RBMS3: variants seen among roughly 807,000 people sequenced by gnomAD.
RBMS3 encodes RNA binding motif single stranded interacting protein 3, also known as RNA-binding motif, single-stranded-interacting protein 3.
RBMS3 carries 27 observed loss-of-function variants against 66.8 expected under a neutral mutation model. The observed-to-expected ratio is 0.40, with a 90% confidence interval of 0.30 to 0.56. RBMS3 has a LOEUF of 0.56. Among genes scored for constraint, RBMS3 ranks in the 20% least tolerant of loss-of-function variants. The pLI is 0.40. For synonymous variants in RBMS3, 188 were observed against 183.0 expected, an observed-to-expected ratio of 1.03 and a Z score of -0.22; for missense variants, 513 against 549.5, an observed-to-expected ratio of 0.93 and a Z score of 0.66.
At position 29,346,174 on chromosome 3, in the gene RBMS3, A is replaced by G. The variant is rs558803862; in HGVS notation, c.75+64418A>G. On this transcript the variant is annotated intron_variant, in intron 1 of 14. Coordinates refer to ENST00000383767, the MANE Select transcript of RBMS3 (RefSeq NM_001003793.3). ...CAGTTCTCAATCACAATAACTATTT[A>G]CTTGCATATTGCTTCTCCAGAGAGA... is the stretch of plus-strand genomic sequence containing the variant. Among the ~76,000 whole-genome samples, 9 of 152,270 alleles carry G rather than the reference A, an allele frequency of 5.9e-5. No individual in the cohort carries two copies. The South Asian group carries it at 1.7e-3, about 28-fold the overall frequency.
At chr3:29,841,548 C>A (rs1431282370) in intron 6 of RBMS3, among the ~76,000 whole-genome samples, 1 of 151,990 alleles carries the variant, frequency 6.6e-6, no homozygotes, top group African/African-American at 2.4e-5. Context: ...AGTTTAGATT[C>A]ACCTTCACAG....
At chr3:29,947,792 G>A (rs755301322) in intron 12 of RBMS3, among the ~76,000 whole-genome samples, 3 of 150,946 alleles carry the variant, frequency 2.0e-5, no homozygotes, top group South Asian at 4.2e-4. Context: ...TATGAAAACC[G>A]AAGATAATTT....
At chr3:29,827,999 C>G (rs2058253421) in intron 6 of RBMS3, among the ~76,000 whole-genome samples, 3 of 151,908 alleles carry the variant, frequency 2.0e-5, no homozygotes, top group African/African-American at 4.8e-5. Flanking sequence ...AAGAGTAGCT[C>G]AGTTCATATA....
chr3:29,779,285 ATAT>A (rs1171002502), intron 6 of RBMS3, among the ~76,000 whole-genome samples: 1 of 150,392 alleles, frequency 6.6e-6, no homozygotes, highest in Non-Finnish European at 1.5e-5. Flanking sequence ...GTGTGTGTGT[ATAT>A]ATATGTAAAC....
intron 3 of RBMS3, among the ~76,000 whole-genome samples, chr3:29,572,281 C>A (rs182324669): frequency 6.6e-6 from 1 of 152,148 alleles, no homozygotes; most frequent in African/African-American, 2.4e-5. Flanking sequence ...CCTTTTCTGA[C>A]TTCTCTAGCT....
intron 7 of RBMS3, among the ~76,000 whole-genome samples, chr3:29,875,096 G>T (rs1042255765): frequency 2.6e-5 from 4 of 152,082 alleles, no homozygotes; most frequent in African/African-American, 9.7e-5. Flanking sequence ...ACCATGATTG[G>T]GTCTCCTGAC....
chr3:29,488,324 G>A, intron 2 of RBMS3, 117 bp from the exon 3 acceptor site: 1 of 725,254 alleles, frequency 1.4e-6, no homozygotes, highest in East Asian at 2.9e-5. Flanking sequence ...GGAATCCAGA[G>A]CTTGTTTTCT....
At chr3:29,295,460 T>C (rs2033195523) in intron 1 of RBMS3, among the ~76,000 whole-genome samples, 1 of 150,712 alleles carries the variant, frequency 6.6e-6, no homozygotes. Context: ...GGGAAATAAT[T>C]CAAGATACAG....
At chr3:29,928,784 G>A (rs1275054038) in intron 10 of RBMS3, among the ~76,000 whole-genome samples, 1 of 122,774 alleles carries the variant, frequency 8.1e-6, no homozygotes, top group Non-Finnish European at 1.8e-5. Context: ...CAGGCTACTG[G>A]TCACTTGCTC....
intron 12 of RBMS3, among the ~76,000 whole-genome samples, chr3:29,981,244 G>A (rs910462850): frequency 1.3e-5 from 2 of 152,112 alleles, no homozygotes; most frequent in Admixed American, 6.6e-5. Flanking sequence ...TATTATTGGT[G>A]TATAGAAATG....
chr3:30,002,521 T>C (rs1367886281), intron 14 of RBMS3, among the ~76,000 whole-genome samples: 1 of 152,052 alleles, frequency 6.6e-6, no homozygotes, highest in Non-Finnish European at 1.5e-5. Flanking sequence ...ATATAAACCA[T>C]GGTTCCCATG....
At position 29,989,581 on chromosome 3, in the gene RBMS3, T is replaced by G. The variant is rs554761296; in HGVS notation, c.1179+1358T>G. Reference sequence around the variant, plus strand: ...AACCTTTACGGACTAAATTGGATCTTCTAAAATGTTTCCTGGTTTTGGTGT... The same window carrying G: ...AACCTTTACGGACTAAATTGGATCTGCTAAAATGTTTCCTGGTTTTGGTGT... On this transcript the variant is annotated intron_variant, in intron 13 of 14. Transcript: ENST00000383767. Among the ~76,000 whole-genome samples, 4 of 152,320 alleles carry G rather than the reference T, an allele frequency of 2.6e-5. No homozygotes were observed. In the South Asian group the frequency reaches 8.3e-4, roughly 32 times the overall value.
chr3:29,556,464 G>T (rs971674743), intron 3 of RBMS3: 1 of 152,354 alleles, frequency 6.6e-6, no homozygotes, highest in Non-Finnish European at 1.5e-5. Flanking sequence ...TTAGTCAGGC[G>T]TGGTGGCGGG....
At chr3:29,679,486 T>C (rs2051394753) in intron 4 of RBMS3, among the ~76,000 whole-genome samples, 1 of 152,156 alleles carries the variant, frequency 6.6e-6, no homozygotes, top group East Asian at 1.9e-4. Flanking sequence ...ATTGCCAAAA[T>C]TTAATCAAGC....
chr3:29,354,466 A>G lies in RBMS3; in HGVS notation c.75+72710A>G, dbSNP rs184162366. 6.6e-4 allele frequency among the ~76,000 whole-genome samples: 100 copies of G among 152,158 alleles called. 8 individuals are homozygous for G. In the East Asian group the frequency reaches 0.01, roughly 15 times the overall value. ...CCTAGTGGTAAATTCTGTGGTACCC[A>G]TTTGCATGCATACATACGTGTGTGT... On this transcript the variant is annotated intron_variant, in intron 1 of 14. Transcript: ENST00000383767.
intron 6 of RBMS3, among the ~76,000 whole-genome samples, chr3:29,849,026 C>T (rs1252378912): frequency 6.6e-6 from 1 of 151,952 alleles, no homozygotes; most frequent in Non-Finnish European, 1.5e-5. Context: ...TCTTTGCAGC[C>T]CCTTAGAGAC....
intron 4 of RBMS3, among the ~76,000 whole-genome samples, chr3:29,612,161 G>A (rs1228579338): frequency 6.6e-6 from 1 of 151,926 alleles, no homozygotes; most frequent in South Asian, 2.1e-4. Context: ...ACTATTGATT[G>A]TTATTATGAA....
At chr3:29,692,727 A>G (rs1049408063) in intron 4 of RBMS3, among the ~76,000 whole-genome samples, 5 of 152,204 alleles carry the variant, frequency 3.3e-5, no homozygotes, top group African/African-American at 1.2e-4. Flanking sequence ...TTGTTCCTGC[A>G]TGATAGTAAT....
intron 1 of RBMS3, among the ~76,000 whole-genome samples, chr3:29,413,880 A>G (rs141578768): frequency 6.6e-6 from 1 of 152,142 alleles, no homozygotes; most frequent in African/African-American, 2.4e-5. Flanking sequence ...TGCATCAGGG[A>G]CATGGTCCTT....
Sources: gnomAD v4.1 joint callset for allele counts (sites outside exome capture counted in the v4.1 genomes callset) on GRCh38, gnomAD v4.1.1 for gene constraint, MANE v1.5 for transcripts, NCBI Gene and HGNC (gene_info 2026-07-23, HGNC 2026-07-21) for gene names.